TSHZ2: variants seen among roughly 807,000 people sequenced by gnomAD.
TSHZ2 encodes the protein teashirt homolog 2.
In TSHZ2, 21 loss-of-function variants were observed where a neutral mutation model predicts 74.4. The ratio of observed to expected loss-of-function variants is 0.28; its 90% confidence interval spans 0.20 to 0.41. The LOEUF is 0.41. Among genes scored for constraint, TSHZ2 ranks in the 10% least tolerant of loss-of-function variants. The probability of loss-of-function intolerance (pLI) is 1.00; values close to 1 mark genes in which losing one functional copy is unlikely to be tolerated. For missense variants in TSHZ2, 1,244 were observed against 1,293.5 expected, an observed-to-expected ratio of 0.96 and a Z score of 0.59; for synonymous variants, 540 against 515.3, an observed-to-expected ratio of 1.05 and a Z score of -0.65.
In TSHZ2 at chr20:53,265,257, A is replaced by G. The variant is rs557146654; in HGVS notation, c.*8+8686A>G. On this transcript the variant is annotated intron_variant, in intron 2 of 2. Transcript: ENST00000371497. The stretch of plus-strand genomic sequence containing the variant: ...AGTCCCAGTGAGAACATTCAAATGC[A>G]TTGAGCCAGACAGGGAAGGCACACT... Among the ~76,000 whole-genome samples, 143 of 152,288 alleles carry G rather than the reference A, an allele frequency of 9.4e-4. 1 individual carries two copies. The highest frequency in any genetic ancestry group is 1.7e-3 in the South Asian group (8 of 4,820).
At chr20:53,270,901 T>C (rs1356798189) in intron 2 of TSHZ2, among the ~76,000 whole-genome samples, 1 of 152,206 alleles carries the variant, frequency 6.6e-6, no homozygotes, top group Non-Finnish European at 1.5e-5. Context: ...TCATCTTTAA[T>C]TGTTTATGAC....
chr20:53,308,050 T>A (rs1223915284), intron 2 of TSHZ2, among the ~76,000 whole-genome samples: 1 of 152,202 alleles, frequency 6.6e-6, no homozygotes, highest in Non-Finnish European at 1.5e-5. Context: ...CATATTCTTC[T>A]CCCACGACAT....
At chr20:53,412,594 T>C (rs1983092098) in intron 2 of TSHZ2, 1 of 152,236 alleles carries the variant, frequency 6.6e-6, no homozygotes, top group Non-Finnish European at 1.5e-5. Flanking sequence ...GGCCGCCACT[T>C]ATGAAGTTCC....
intron 2 of TSHZ2, among the ~76,000 whole-genome samples, chr20:53,286,110 T>A (rs1991159687): frequency 6.6e-6 from 1 of 152,252 alleles, no homozygotes; most frequent in South Asian, 2.1e-4. Context: ...TTTCTGCCAT[T>A]AATAATGCCA....
chr20:53,397,485 G>A (rs1365919916), intron 2 of TSHZ2, among the ~76,000 whole-genome samples: 5 of 152,324 alleles, frequency 3.3e-5, no homozygotes, highest in Admixed American at 6.5e-5. Flanking sequence ...AACAGGTGCT[G>A]GAGAGGATGT....
intron 1 of TSHZ2, among the ~76,000 whole-genome samples, chr20:53,018,045 C>T (rs1243170357): frequency 1.3e-5 from 2 of 152,098 alleles, no homozygotes; most frequent in African/African-American, 4.8e-5. Flanking sequence ...ACAAGGAAAA[C>T]ATCACATTCA....
At chr20:53,227,788 T>C (rs745349811) in intron 1 of TSHZ2, among the ~76,000 whole-genome samples, 7 of 152,152 alleles carry the variant, frequency 4.6e-5, no homozygotes, top group Admixed American at 6.5e-5. Context: ...TAGTTGAACT[T>C]GAATGGATCT....
intron 1 of TSHZ2, among the ~76,000 whole-genome samples, chr20:53,203,276 C>T (rs960662133): frequency 2.7e-5 from 4 of 150,058 alleles, no homozygotes; most frequent in Middle Eastern, 3.5e-3. Flanking sequence ...CTCACTGCAA[C>T]GTCTGCCTCC....
chr20:53,402,553 TC>T (rs1982706209), intron 2 of TSHZ2, among the ~76,000 whole-genome samples: 1 of 151,926 alleles, frequency 6.6e-6, no homozygotes, highest in Non-Finnish European at 1.5e-5. Flanking sequence ...TCAAAATGTA[TC>T]CCCATGGTTT....
chr20:53,012,523 G>T (rs1982888560), intron 1 of TSHZ2, among the ~76,000 whole-genome samples: 1 of 152,104 alleles, frequency 6.6e-6, no homozygotes, highest in African/African-American at 2.4e-5. Context: ...TTTAGGTGTG[G>T]TACCTATTTT....
chr20:53,376,139 AG>A (rs1426175485), intron 2 of TSHZ2, among the ~76,000 whole-genome samples: 1 of 152,222 alleles, frequency 6.6e-6, no homozygotes, highest in Non-Finnish European at 1.5e-5. Flanking sequence ...CATTCCAGAC[AG>A]GGATACCAAT....
intron 2 of TSHZ2, among the ~76,000 whole-genome samples, chr20:53,331,007 C>G (rs1979700943): frequency 6.6e-6 from 1 of 152,130 alleles, no homozygotes; most frequent in South Asian, 2.1e-4. Context: ...CACCCCAGCT[C>G]TGAATTCAGC....
At chr20:53,288,180 G>C (rs1390109563) in intron 2 of TSHZ2, among the ~76,000 whole-genome samples, 1 of 152,104 alleles carries the variant, frequency 6.6e-6, no homozygotes, top group African/African-American at 2.4e-5. Flanking sequence ...AAGATGGGCA[G>C]ATCACTTGAG....
intron 1 of TSHZ2, among the ~76,000 whole-genome samples, chr20:53,156,749 T>C (rs1050330883): frequency 2.0e-5 from 3 of 152,252 alleles, no homozygotes; most frequent in African/African-American, 7.2e-5. Context: ...TTCTACACTG[T>C]GCTGAATTAA....
At chr20:53,352,460 G>A (rs764769125) in intron 2 of TSHZ2, among the ~76,000 whole-genome samples, 2 of 151,874 alleles carry the variant, frequency 1.3e-5, no homozygotes, top group Non-Finnish European at 2.9e-5. Flanking sequence ...CTTCATCAAA[G>A]GGATTTGAAG....
At chr20:53,221,113 C>T (rs1043909699) in intron 1 of TSHZ2, among the ~76,000 whole-genome samples, 27 of 152,276 alleles carry the variant, frequency 1.8e-4, no homozygotes, top group East Asian at 7.7e-4. Flanking sequence ...TGAGATCTGA[C>T]GGTTTTATAT....
At chr20:53,144,940 A>C (rs951493797) in intron 1 of TSHZ2, among the ~76,000 whole-genome samples, 1 of 152,160 alleles carries the variant, frequency 6.6e-6, no homozygotes, top group Admixed American at 6.5e-5. Context: ...TCCAGATATA[A>C]TAATTCACAC....
Position 53,075,311 on chromosome 20 carries a change from A to G in TSHZ2, c.40+101978A>G, listed in dbSNP as rs74639069. 4.3e-3 allele frequency among the ~76,000 whole-genome samples: 650 copies of G among 152,294 alleles called. 5 individuals carry two copies. The highest frequency in any genetic ancestry group is 0.015 in the African/African-American group (619 of 41,564). ...CTCTGTGCAAAGGATCTTTCTTTTT[A>G]CCATTTTAATAGCCTGTGCAATGGG... On this transcript the variant is annotated intron_variant, in intron 1 of 2. Transcript: ENST00000371497.
At chr20:53,032,985 G>A (rs1397179856) in intron 1 of TSHZ2, among the ~76,000 whole-genome samples, 1 of 152,080 alleles carries the variant, frequency 6.6e-6, no homozygotes, top group Non-Finnish European at 1.5e-5. Context: ...ATGTACAAAG[G>A]GACATAAACA....
Sources: allele counts gnomAD v4.1 joint callset (sites outside exome capture counted in the v4.1 genomes callset), GRCh38; gene constraint gnomAD v4.1.1; transcripts MANE v1.5; gene names NCBI Gene and HGNC (gene_info 2026-07-23, HGNC 2026-07-21).